MYH11: variants seen among roughly 807,000 people sequenced by gnomAD.
The protein encoded by MYH11 is myosin-11.
A neutral mutation model predicts 246.6 loss-of-function variants in MYH11; 80 were observed. That is an observed-to-expected ratio of 0.32 (90% CI 0.27 to 0.39). MYH11 has a LOEUF of 0.39. Among genes scored for constraint, MYH11 ranks in the 10% least tolerant of loss-of-function variants. The pLI, the probability that MYH11 is intolerant of heterozygous loss-of-function variation, is 1.00. For missense variants in MYH11, 2,158 were observed against 2,546.8 expected (o/e 0.85, Z 3.29); for synonymous variants, 1,071 against 1,015.5 (o/e 1.05, Z -1.04).
intron 4 of MYH11, among the ~76,000 whole-genome samples, chr16:15,788,407 G>A (rs1188779723): frequency 1.3e-5 from 2 of 151,678 alleles, no homozygotes; most frequent in African/African-American, 2.4e-5. Context: ...GGTTCTCTGT[G>A]CTGAACCAGT....
rs368711297 is a variant in MYH11, at chr16:15,724,838, C to T, written c.3964-39G>A. 41 of 1,613,514 alleles carry T rather than the reference C, an allele frequency of 2.5e-5. 2 individuals carry two copies. Among genetic ancestry groups the T allele is most frequent in the Admixed American group, 1.2e-4 (7 of 59,992 alleles). On this transcript the variant is annotated intron_variant, in intron 29 of 40. Coordinates refer to ENST00000300036, the MANE Select transcript of MYH11 (RefSeq NM_002474.3). Reference sequence around the variant, plus strand: ...GCAAAGAGGTCCCAGGGACCTGCCCCGAGGAAGGCCACCCCCCAGGTCCCC... The same window carrying T: ...GCAAAGAGGTCCCAGGGACCTGCCCTGAGGAAGGCCACCCCCCAGGTCCCC...
intron 28 of MYH11, chr16:15,725,795 TGAAA>T (rs528990197): frequency 4.3e-4 from 173 of 398,446 alleles, no homozygotes; most frequent in African/African-American, 3.4e-3. Context: ...CTATGCCAAG[TGAAA>T]GAAGACCAAA....
intron 27 of MYH11, among the ~76,000 whole-genome samples, chr16:15,729,942 T>A (rs549713012): frequency 2.6e-5 from 4 of 152,220 alleles, no homozygotes; most frequent in African/African-American, 9.6e-5. Context: ...TATCTCAGCC[T>A]CCCAAAGTGC....
At chr16:15,843,615 C>T (rs146804425) in intron 1 of MYH11, among the ~76,000 whole-genome samples, 4,818 of 151,212 alleles carry the variant, frequency 0.032, 121 homozygotes, top group Non-Finnish European at 0.044. Flanking sequence ...ATGGTGTGAA[C>T]CTGGGAGGCG....
intron 3 of MYH11, among the ~76,000 whole-genome samples, chr16:15,812,122 G>C (rs2043151533): frequency 6.6e-6 from 1 of 152,122 alleles, no homozygotes; most frequent in East Asian, 1.9e-4. Flanking sequence ...GGATTGAGGG[G>C]GATCCCTGTG....
Position 15,828,521 on chromosome 16 carries a change from ACACT to A in MYH11, c.346-5114_346-5111del, listed in dbSNP as rs1302997793. On this transcript the variant is annotated intron_variant, in intron 2 of 40. Transcript: ENST00000300036. ...CCGCACAGTGCCAGGGACAGGGTAG[ACACT>A]CAGTCAGCTGTAATCCCAGCACTTC... is the stretch of plus-strand genomic sequence containing the variant. Among the ~76,000 whole-genome samples the A allele has an allele frequency of 2.0e-5, 3 of 152,300 alleles. No individual in the cohort carries two copies. In the East Asian group the frequency reaches 5.8e-4, roughly 29 times the overall value.
intron 3 of MYH11, among the ~76,000 whole-genome samples, chr16:15,800,798 G>A (rs1330595485): frequency 3.3e-5 from 5 of 152,046 alleles, no homozygotes; most frequent in South Asian, 2.1e-4. Context: ...CTCTTCCCTC[G>A]GATTATAGAT....
intron 25 of MYH11, among the ~76,000 whole-genome samples, chr16:15,736,520 C>T (rs570352534): frequency 6.6e-6 from 1 of 152,124 alleles, no homozygotes; most frequent in Non-Finnish European, 1.5e-5. Flanking sequence ...CTCAAGCAAT[C>T]CCCCCACCTC....
At chr16:15,718,275 A>G in intron 37 of MYH11, 40 bp downstream of exon 37, 1 of 1,605,462 alleles carries the variant, frequency 6.2e-7, no homozygotes, top group Non-Finnish European at 8.5e-7. Flanking sequence ...TGCAGGAGAG[A>G]CAGTAGGCAG....
chr16:15,828,643 A>G (rs2043636380), intron 2 of MYH11, among the ~76,000 whole-genome samples: 1 of 151,858 alleles, frequency 6.6e-6, no homozygotes, highest in South Asian at 2.1e-4. Context: ...AAATACAAAA[A>G]TTAGCCAGGC....
intron 4 of MYH11, among the ~76,000 whole-genome samples, chr16:15,795,495 CAG>C (rs1477057918): frequency 6.7e-6 from 1 of 150,210 alleles, no homozygotes; most frequent in African/African-American, 2.5e-5. Context: ...CCTGTTATCC[CAG>C]CTACTCGGGA....
At chr16:15,745,334 T>C in intron 19 of MYH11, 97 bp from the exon 20 acceptor site, 2 of 802,736 alleles carry the variant, frequency 2.5e-6, no homozygotes, top group African/African-American at 3.4e-5. Flanking sequence ...CACAGGGACA[T>C]GCCCCAATCT....
At chr16:15,746,268 C>A (rs940383998) in intron 19 of MYH11, among the ~76,000 whole-genome samples, 1 of 152,142 alleles carries the variant, frequency 6.6e-6, no homozygotes, top group Admixed American at 6.5e-5. Flanking sequence ...AGGAATTTCA[C>A]ACTGTGACCC....
intron 1 of MYH11, among the ~76,000 whole-genome samples, chr16:15,851,311 G>C (rs2044322752): frequency 6.6e-6 from 1 of 152,132 alleles, no homozygotes; most frequent in Admixed American, 6.5e-5. Flanking sequence ...AACAGCCACT[G>C]TATTTATTGG....
At chr16:15,833,296 CA>C (rs2043792829) in intron 2 of MYH11, among the ~76,000 whole-genome samples, 1 of 136,612 alleles carries the variant, frequency 7.3e-6, no homozygotes, top group Non-Finnish European at 1.6e-5. Flanking sequence ...GACCCCATCT[CA>C]AAAGAAAGAA....
chr16:15,817,106 A>G (rs549968732), intron 3 of MYH11, among the ~76,000 whole-genome samples: 6 of 152,336 alleles, frequency 3.9e-5, no homozygotes, highest in African/African-American at 1.4e-4. Context: ...ACTAGAAACC[A>G]TAATTGTCTC....
At position 15,778,737 on chromosome 16, in the gene MYH11, G is replaced by C. The variant is rs371011807; in HGVS notation, c.790+43C>G. On this transcript the variant is annotated intron_variant, in intron 7 of 40. Transcript: ENST00000300036. The stretch of plus-strand genomic sequence containing the variant: ...CAGCCTCTGGGCAGGAGATTGGTAG[G>C]GGGCAGGGGTACCCATTTGGCCCAG... The C allele has an allele frequency of 2.5e-6, 4 of 1,589,398 alleles. No individual in the cohort carries two copies. In the African/African-American group the frequency reaches 5.4e-5, roughly 21 times the overall value.
chr16:15,812,196 A>T (rs553549545), intron 3 of MYH11, among the ~76,000 whole-genome samples: 3 of 152,230 alleles, frequency 2.0e-5, no homozygotes, highest in Admixed American at 2.0e-4. Flanking sequence ...ATCCAAGTGT[A>T]TATTTGGCTC....
intron 4 of MYH11, among the ~76,000 whole-genome samples, chr16:15,796,737 G>A (rs1375035924): frequency 6.6e-6 from 1 of 152,176 alleles, no homozygotes; most frequent in African/African-American, 2.4e-5. Flanking sequence ...GGCCTTATAA[G>A]AGAGAGGTAG....
Sources: gnomAD v4.1 joint callset for allele counts (sites outside exome capture counted in the v4.1 genomes callset) on GRCh38, gnomAD v4.1.1 for gene constraint, MANE v1.5 for transcripts, NCBI Gene and HGNC (gene_info 2026-07-23, HGNC 2026-07-21) for gene names.